The following C10orf67 variants were observed in gnomAD, a reference collection of about 807,000 sequenced individuals.
C10orf67 encodes the protein uncharacterized protein C10orf67, mitochondrial.
C10orf67 carries 60 observed loss-of-function variants against 35.6 expected under a neutral mutation model. The observed-to-expected ratio is 1.68, with a 90% CI of 1.37 to 2.09. The LOEUF is 2.09. C10orf67 is among the 30% of genes most tolerant of loss of function. The pLI is 0.00. For synonymous variants in C10orf67, 167 were observed against 115.8 expected (o/e 1.44, Z -2.84); for missense variants, 474 against 330.2 (o/e 1.44, Z -3.38).
chr10:23,331,231 AGGG>A (rs1845455852), intron 2 of C10orf67, among the ~76,000 whole-genome samples: 1 of 10,312 alleles, frequency 9.7e-5, no homozygotes, highest in Admixed American at 1.8e-3. Context: ...GGAAGGGAGG[AGGG>A]AAGGGAAGGG....
chr10:23,302,508 C>G (rs552143445), intron 5 of C10orf67, among the ~76,000 whole-genome samples: 5 of 152,318 alleles, frequency 3.3e-5, no homozygotes, highest in African/African-American at 1.2e-4. Context: ...CCTGCTATTG[C>G]TATTCAATAG....
intron 5 of C10orf67, among the ~76,000 whole-genome samples, chr10:23,295,214 A>G (rs1231017757): frequency 6.6e-6 from 1 of 152,204 alleles, no homozygotes; most frequent in Non-Finnish European, 1.5e-5. Context: ...GAATAACCAG[A>G]GTATTCTGGA....
At chr10:23,254,339 C>G (rs555680178) in intron 10 of C10orf67, among the ~76,000 whole-genome samples, 4 of 152,232 alleles carry the variant, frequency 2.6e-5, no homozygotes, top group African/African-American at 9.6e-5. Flanking sequence ...TCCCGAGTAG[C>G]TGGGATTACA....
intron 8 of C10orf67, among the ~76,000 whole-genome samples, chr10:23,268,601 G>A (rs1026140934): frequency 1.1e-4 from 16 of 152,232 alleles, no homozygotes; most frequent in Admixed American, 1.0e-3. Flanking sequence ...TGAGAGGATA[G>A]TTACTGATGC....
chr10:23,298,924 G>A (rs1362673178), intron 5 of C10orf67, among the ~76,000 whole-genome samples: 1 of 152,182 alleles, frequency 6.6e-6, no homozygotes, highest in East Asian at 1.9e-4. Context: ...TTGGGTGCCT[G>A]GCCAAATAGA....
intron 13 of C10orf67, among the ~76,000 whole-genome samples, chr10:23,228,319 G>T (rs1165804893): frequency 6.6e-6 from 1 of 152,054 alleles, no homozygotes; most frequent in Non-Finnish European, 1.5e-5. Flanking sequence ...TGACAAACCT[G>T]ACAAAAACAA....
chr10:23,207,889 A>G (rs528183013), intron 15 of C10orf67, among the ~76,000 whole-genome samples: 1 of 152,230 alleles, frequency 6.6e-6, no homozygotes, highest in Admixed American at 6.5e-5. Context: ...ACAAAAACCC[A>G]CCTCTGTGTA....
chr10:23,344,047 G>A (rs1401762842), intron 1 of C10orf67: 1 of 333,054 alleles, frequency 3.0e-6, no homozygotes, highest in Non-Finnish European at 6.5e-6. Flanking sequence ...GCTCTCCTGA[G>A]TCGGAGTCGG....
intron 2 of C10orf67, among the ~76,000 whole-genome samples, chr10:23,332,618 C>T (rs973016416): frequency 3.3e-5 from 5 of 150,302 alleles, no homozygotes; most frequent in African/African-American, 4.9e-5. Flanking sequence ...CTGGAGGTGG[C>T]GGCTACAGTG....
chr10:23,251,053 T>C (rs1359886120), intron 10 of C10orf67, among the ~76,000 whole-genome samples: 1 of 152,270 alleles, frequency 6.6e-6, no homozygotes, highest in East Asian at 1.9e-4. Context: ...GCTGTGATCA[T>C]GTCACTGCAC....
rs181935286 is a variant in C10orf67 at position 23,255,641 on chromosome 10, A to C, written c.1201-4950T>G. Among the ~76,000 whole-genome samples the C allele has an allele frequency of 8.4e-4, 128 of 152,300 alleles. No homozygotes were observed. The Middle Eastern group carries it at 0.02, about 24-fold the overall frequency. ...CTATTCACTCCAAAAACTTGTGACAAGGTCACTTCAGTGATAGGAATGTAT... is the reference window on the plus strand; with the variant it reads ...CTATTCACTCCAAAAACTTGTGACACGGTCACTTCAGTGATAGGAATGTAT... On this transcript the variant is annotated intron_variant, in intron 10 of 15. Coordinates refer to ENST00000636213, the MANE Select transcript of C10orf67 (RefSeq NM_001371909.1).
At chr10:23,291,343 G>T in intron 5 of C10orf67, 64 bp from the exon 6 acceptor site, 1 of 652,856 alleles carries the variant, frequency 1.5e-6, no homozygotes. Context: ...GCAAGACAAG[G>T]ACAATACAGA....
chr10:23,236,180 C>A (rs1389184691), intron 13 of C10orf67, among the ~76,000 whole-genome samples: 2 of 140,824 alleles, frequency 1.4e-5, no homozygotes, highest in African/African-American at 2.7e-5. Context: ...ACCCGGGAGG[C>A]GGAGCTTGCA....
At chr10:23,275,600 T>C (rs1331435783) in intron 8 of C10orf67, among the ~76,000 whole-genome samples, 1 of 150,516 alleles carries the variant, frequency 6.6e-6, no homozygotes, top group Non-Finnish European at 1.5e-5. Flanking sequence ...CACACACACA[T>C]GCACACGCAC....
intron 1 of C10orf67, chr10:23,344,224 G>C (rs1401481336): frequency 3.6e-6 from 1 of 279,782 alleles, no homozygotes. Flanking sequence ...GTTGGGGATG[G>C]GGGGGAAGGG....
chr10:23,308,757 TTAA>T (rs1311238740), intron 4 of C10orf67, among the ~76,000 whole-genome samples: 1 of 152,154 alleles, frequency 6.6e-6, no homozygotes, highest in Non-Finnish European at 1.5e-5. Flanking sequence ...AATGGGACTA[TTAA>T]TAATAATACC....
Position 23,318,554 on chromosome 10 carries a change from G to A in C10orf67, c.546+2187C>T, listed in dbSNP as rs143562985. The stretch of plus-strand genomic sequence containing the variant: ...GTTTATCAGCAAGTCACTAAGGGCA[G>A]CCCTGATTCAAGGGAGGGGAATCAG... On this transcript the variant is annotated intron_variant, in intron 4 of 15. Transcript: ENST00000636213. The A allele has an allele frequency of 2.1e-3, 521 of 243,924 alleles. 6 individuals are homozygous for A. Among genetic ancestry groups the A allele is most frequent in the African/African-American group, 0.011 (474 of 44,758 alleles). 15.1% of individuals were successfully genotyped at this position (243,924 alleles called of 1,614,324 possible).
intron 13 of C10orf67, among the ~76,000 whole-genome samples, chr10:23,238,379 C>T (rs376662432): frequency 1.1e-4 from 17 of 152,142 alleles, no homozygotes; most frequent in Admixed American, 9.8e-4. Context: ...ACTGTGTGGA[C>T]GTATAGATGA....
chr10:23,274,408 A>G (rs1843120419), intron 8 of C10orf67, among the ~76,000 whole-genome samples: 1 of 151,528 alleles, frequency 6.6e-6, no homozygotes, highest in Non-Finnish European at 1.5e-5. Context: ...TAAGACAGAC[A>G]CTCCCAGAGC....
Sources: allele counts gnomAD v4.1 joint callset (sites outside exome capture counted in the v4.1 genomes callset), GRCh38; gene constraint gnomAD v4.1.1; transcripts MANE v1.5; gene names NCBI Gene and HGNC (gene_info 2026-07-23, HGNC 2026-07-21).